Variants in FGF13 observed in about 807,000 individuals in gnomAD.
The protein encoded by FGF13 is fibroblast growth factor homologous factor 2.
A neutral mutation model predicts 19.5 loss-of-function variants in FGF13; 2 were observed. The ratio of observed to expected loss-of-function variants is 0.10; its 90% CI spans 0.04 to 0.32. The LOEUF (loss-of-function observed/expected upper bound fraction) is 0.32, where lower values mean the gene tolerates loss of function less well. Ranked by LOEUF, FGF13 falls within the 10% of genes least tolerant of loss-of-function variation. FGF13 has a pLI of 1.00. For synonymous variants in FGF13, 72 were observed against 76.9 expected (o/e 0.94, Z 0.33); for missense variants, 113 against 192.7 (o/e 0.59, Z 2.45).
chrX:138,649,071 A>G (rs2089338437), intron 3 of FGF13, among the ~76,000 whole-genome samples: 1 of 111,865 alleles, frequency 8.9e-6, no homozygotes, highest in Non-Finnish European at 1.9e-5. Context: ...AATGTCCACA[A>G]TATATTTGCA....
chrX:138,763,285 T>A (rs919890517), intron 3 of FGF13, among the ~76,000 whole-genome samples: 9 of 110,439 alleles, frequency 8.1e-5, no homozygotes, highest in African/African-American at 3.0e-4. Flanking sequence ...TATATATATT[T>A]TATATATATA....
chrX:139,076,454 AACAC>A (rs915546296), intron 1 of FGF13, among the ~76,000 whole-genome samples: 4 of 111,034 alleles, frequency 3.6e-5, no homozygotes, highest in African/African-American at 1.3e-4. Context: ...AAAAAAAACA[AACAC>A]ACACACACAC....
At chrX:139,015,791 T>C (rs2092150477) in intron 1 of FGF13, among the ~76,000 whole-genome samples, 1 of 111,713 alleles carries the variant, frequency 9.0e-6, no homozygotes, top group Non-Finnish European at 1.9e-5. Context: ...AAGAATCACA[T>C]TTCCTTACAT....
At chrX:138,706,458 T>A (rs1186536919) in intron 2 of FGF13, among the ~76,000 whole-genome samples, 1 of 112,153 alleles carries the variant, frequency 8.9e-6, no homozygotes, top group Non-Finnish European at 1.9e-5. Flanking sequence ...AACTGATTTA[T>A]CAGGACATTG....
chrX:139,014,505 TC>T lies in FGF13; in HGVS notation c.-112-149856del, dbSNP rs773107026. On this transcript the variant is annotated intron_variant, in intron 1 of 2. Transcript: ENST00000421460. ...GAAAATCTAGAATAAATGAATCAAT[TC>T]CTAGAAACATACAACCTATTAAGAT... Among the ~76,000 whole-genome samples, 574 of 111,292 alleles carry T rather than the reference TC, an allele frequency of 5.2e-3. 2 individuals carry two copies. Among genetic ancestry groups the T allele is most frequent in the Admixed American group, 9.3e-3 (98 of 10,489 alleles).
chrX:139,060,390 T>A (rs2092332927), intron 1 of FGF13, among the ~76,000 whole-genome samples: 1 of 111,390 alleles, frequency 9.0e-6, no homozygotes, highest in Non-Finnish European at 1.9e-5. Flanking sequence ...TAAATTCTAA[T>A]TCTAGTATAT....
chrX:138,871,205 CTG>C (rs1187457586), intron 1 of FGF13, among the ~76,000 whole-genome samples: 1 of 112,516 alleles, frequency 8.9e-6, no homozygotes, highest in Non-Finnish European at 1.9e-5. Context: ...CACAGCTTCA[CTG>C]TATTTAACCT....
chrX:138,660,787 C>G (rs950537420), intron 3 of FGF13, among the ~76,000 whole-genome samples: 4 of 111,517 alleles, frequency 3.6e-5, no homozygotes, highest in African/African-American at 1.3e-4. Flanking sequence ...TCGTTGTACC[C>G]TCTATTTTCT....
intron 1 of FGF13, among the ~76,000 whole-genome samples, chrX:138,896,643 G>C (rs1603010892): frequency 8.9e-6 from 1 of 112,226 alleles, no homozygotes; most frequent in African/African-American, 3.2e-5. Flanking sequence ...AGGCAGACTT[G>C]AGCTTGAATC....
At chrX:138,670,754 C>A (rs942731486) in intron 3 of FGF13, among the ~76,000 whole-genome samples, 2 of 111,544 alleles carry the variant, frequency 1.8e-5, no homozygotes, top group African/African-American at 3.3e-5. Context: ...TGCCTACGAA[C>A]AAACTTTTCT....
In FGF13 at chrX:138,615,648, A is replaced by AAAT. The variant is rs1458030274; in HGVS notation, c.*17199_*17201dup. On this transcript the variant is annotated 3_prime_UTR_variant, in exon 5 of 5. Coordinates refer to ENST00000315930, the MANE Select transcript of FGF13 (RefSeq NM_004114.5). ...AAGGATAATGCAATGGGAACAGTTG[A>AAAT]AATATTGGCTTGTTTACTTGCATTT... is the stretch of plus-strand genomic sequence containing the variant. 8.9e-6 allele frequency: 1 copy of AAAT among 111,871 alleles called. No homozygotes were observed. The allele number at this position is 111,871 out of a possible 1,213,427, so 9.2% of individuals were successfully genotyped here. A position where few individuals can be genotyped will look rare whatever the true frequency, so the allele number is the denominator to read the frequency against.
chrX:138,714,639 C>T (rs1329122688), upstream of FGF13: 1 of 111,531 alleles, frequency 9.0e-6, no homozygotes, highest in African/African-American at 3.3e-5. Flanking sequence ...GAGCGAAACT[C>T]CACACACGCA....
chrX:139,171,423 C>G (rs2084131789), intron 1 of FGF13, among the ~76,000 whole-genome samples: 1 of 111,533 alleles, frequency 9.0e-6, no homozygotes, highest in Non-Finnish European at 1.9e-5. Context: ...TGCAAGAGAA[C>G]AGGGGAAAGA....
chrX:139,067,102 C>G (rs1412345161), intron 1 of FGF13, among the ~76,000 whole-genome samples: 1 of 111,632 alleles, frequency 9.0e-6, no homozygotes, highest in Non-Finnish European at 1.9e-5. Flanking sequence ...TAAAAACTCT[C>G]AATAAACTAG....
chrX:138,867,678 A>G (rs898262316), intron 1 of FGF13, among the ~76,000 whole-genome samples: 1 of 111,397 alleles, frequency 9.0e-6, no homozygotes, highest in African/African-American at 3.3e-5. Context: ...CCATGATTCA[A>G]TTATCTCCCA....
At chrX:138,743,208 G>A (rs745462624), upstream of FGF13, among the ~76,000 whole-genome samples, 1 of 111,399 alleles carries the variant, frequency 9.0e-6, no homozygotes, top group East Asian at 2.8e-4. Context: ...ATAAAAGAGG[G>A]CTAAAAGAGA....
At chrX:139,124,698 C>T (rs973876916) in intron 1 of FGF13, among the ~76,000 whole-genome samples, 8 of 112,206 alleles carry the variant, frequency 7.1e-5, no homozygotes, top group African/African-American at 2.6e-4. Flanking sequence ...GTGGAAATAA[C>T]AATAAGTTCC....
chrX:138,971,338 T>C (rs1261169318), intron 1 of FGF13, among the ~76,000 whole-genome samples: 1 of 95,937 alleles, frequency 1.0e-5, no homozygotes, highest in Non-Finnish European at 2.1e-5. Context: ...ATCATGTACA[T>C]AGTAAGTGCT....
intron 1 of FGF13, among the ~76,000 whole-genome samples, chrX:138,998,934 A>G (rs2092058545): frequency 1.8e-5 from 2 of 112,225 alleles, no homozygotes; most frequent in Admixed American, 9.4e-5. Flanking sequence ...CATAGTTGGA[A>G]GTAAAGCATT....
Sources: gnomAD v4.1 joint callset for allele counts (sites outside exome capture counted in the v4.1 genomes callset) on GRCh38, gnomAD v4.1.1 for gene constraint, MANE v1.5 for transcripts, NCBI Gene and HGNC (gene_info 2026-07-23, HGNC 2026-07-21) for gene names.